Variants in CNNM2 observed in about 807,000 individuals in gnomAD.
CNNM2 encodes metal transporter CNNM2.
CNNM2 carries 12 observed loss-of-function variants against 66.9 expected under a neutral mutation model. The observed-to-expected ratio is 0.18, with a 90% CI of 0.11 to 0.29. The LOEUF (loss-of-function observed/expected upper bound fraction) is 0.29, where lower values mean the gene tolerates loss of function less well. Among genes scored for constraint, CNNM2 ranks in the 10% least tolerant of loss-of-function variants. CNNM2 has a pLI of 1.00. For synonymous variants in CNNM2, 557 were observed against 501.8 expected, an observed-to-expected ratio of 1.11 and a Z score of -1.47; for missense variants, 705 against 1,167.7, an observed-to-expected ratio of 0.60 and a Z score of 5.77.
chr10:103,008,148 T>A (rs745480296), intron 1 of CNNM2, among the ~76,000 whole-genome samples: 10 of 152,154 alleles, frequency 6.6e-5, no homozygotes, highest in Non-Finnish European at 1.3e-4. Context: ...GAGGATTTTT[T>A]TTTTTTTAAA....
intron 1 of CNNM2, among the ~76,000 whole-genome samples, chr10:103,016,897 C>T (rs1486738006): frequency 6.6e-6 from 1 of 152,114 alleles, no homozygotes; most frequent in African/African-American, 2.4e-5. Flanking sequence ...CTTTTGTTTC[C>T]TCCATCCAAA....
At position 103,020,655 on chromosome 10, in the gene CNNM2, T is replaced by C. The variant is rs118011337; in HGVS notation, c.1622-29052T>C. Among the ~76,000 whole-genome samples the C allele has an allele frequency of 9.2e-4, 140 of 152,226 alleles. No individual in the cohort carries two copies. In the East Asian group the frequency reaches 0.023, roughly 25 times the overall value. ...AAAGTATAAATTTCATACTGTTTCTTAGGTAGTGAGTTGGATTTAAGACAG... is the reference window on the plus strand; with the variant it reads ...AAAGTATAAATTTCATACTGTTTCTCAGGTAGTGAGTTGGATTTAAGACAG... On this transcript the variant is annotated intron_variant, in intron 1 of 7. Transcript: ENST00000369878.
chr10:102,976,884 T>C (rs569538262), intron 1 of CNNM2, among the ~76,000 whole-genome samples: 2 of 152,258 alleles, frequency 1.3e-5, no homozygotes, highest in South Asian at 2.1e-4. Context: ...GTTTGTTGAA[T>C]GAATAAACAG....
At position 103,082,040 on chromosome 10, in the gene CNNM2, A is replaced by G. The variant is rs1159153337; in HGVS notation, c.*4860A>G. ...TTGAACTTCAAGCATCATGGAAACA[A>G]AGGTTCTAGCTGCAAGAGAGTAAAG... is the stretch of plus-strand genomic sequence containing the variant. On this transcript the variant is annotated 3_prime_UTR_variant, in exon 8 of 8. Transcript: ENST00000369878. 1 of 152,230 alleles carries G rather than the reference A, an allele frequency of 6.6e-6. No individual in the cohort carries two copies. Among genetic ancestry groups the G allele is most frequent in the Non-Finnish European group, 1.5e-5 (1 of 68,048 alleles). The allele number at this position is 152,230 out of a possible 1,614,324, so 9.4% of individuals were successfully genotyped here. A position where few individuals can be genotyped will look rare whatever the true frequency, so the allele number is the denominator to read the frequency against.
intron 1 of CNNM2, among the ~76,000 whole-genome samples, chr10:102,961,450 A>T (rs1334834181): frequency 1.3e-5 from 2 of 152,206 alleles, no homozygotes; most frequent in Non-Finnish European, 2.9e-5. Flanking sequence ...GGCAATGCTC[A>T]GGCTATTTCT....
At chr10:102,980,813 A>G (rs1047298864) in intron 1 of CNNM2, among the ~76,000 whole-genome samples, 1 of 152,202 alleles carries the variant, frequency 6.6e-6, no homozygotes, top group Non-Finnish European at 1.5e-5. Flanking sequence ...ATATGATACA[A>G]TCAACATATT....
At chr10:102,955,606 A>G (rs1374853550) in intron 1 of CNNM2, among the ~76,000 whole-genome samples, 2 of 152,330 alleles carry the variant, frequency 1.3e-5, no homozygotes, top group South Asian at 2.1e-4. Flanking sequence ...AATGGGAGAA[A>G]ATTTTTGCAA....
chr10:102,946,322 T>A (rs531806979), intron 1 of CNNM2, among the ~76,000 whole-genome samples: 1 of 152,334 alleles, frequency 6.6e-6, no homozygotes, highest in African/African-American at 2.4e-5. Context: ...GGGAGAATTG[T>A]GAGCAGTTGA....
At chr10:103,003,014 A>G (rs1394679041) in intron 1 of CNNM2, among the ~76,000 whole-genome samples, 1 of 152,132 alleles carries the variant, frequency 6.6e-6, no homozygotes, top group Non-Finnish European at 1.5e-5. Flanking sequence ...AATGTTCATC[A>G]TTTGGTAAAT....
rs1338234888 is a variant in CNNM2 at position 103,083,543 on chromosome 10, ATCT to A, written c.*6368_*6370del. ...TCTCAGCATGACAACATAGAAGAGC[ATCT>A]TCTTTGGACAGTGTAAAGTCTTAAG... On this transcript the variant is annotated 3_prime_UTR_variant, in exon 8 of 8. Coordinates refer to ENST00000369878, the MANE Select transcript of CNNM2 (RefSeq NM_017649.5). 6.6e-6 allele frequency: 1 copy of A among 152,244 alleles called. No individual in the cohort carries two copies. Among genetic ancestry groups the A allele is most frequent in the Non-Finnish European group, 1.5e-5 (1 of 68,056 alleles). The allele number at this position is 152,244 out of a possible 1,614,324, so 9.4% of individuals were successfully genotyped here.
In CNNM2 at chr10:103,084,013, C is replaced by T. The variant is rs1251173061; in HGVS notation, c.*6833C>T. 3 of 152,172 alleles carry T rather than the reference C, an allele frequency of 2.0e-5. No homozygotes were observed. Among genetic ancestry groups the T allele is most frequent in the Admixed American group, 1.3e-4 (2 of 15,280 alleles). 9.4% of individuals were successfully genotyped at this position (152,172 alleles called of 1,614,324 possible). A position where few individuals can be genotyped will look rare whatever the true frequency, so the allele number is the denominator to read the frequency against. On this transcript the variant is annotated 3_prime_UTR_variant, in exon 8 of 8. Coordinates refer to ENST00000369878, the MANE Select transcript of CNNM2 (RefSeq NM_017649.5). ...CCCAGTAATCGGTGTGTATGATACA[C>T]GTTCTTTTCCATCACTACTTTGTCT...
chr10:103,052,818 G>C (rs534523373), intron 2 of CNNM2, among the ~76,000 whole-genome samples: 1 of 152,270 alleles, frequency 6.6e-6, no homozygotes, highest in African/African-American at 2.4e-5. Context: ...CCGATTTCAG[G>C]TATATTCTTG....
intron 1 of CNNM2, among the ~76,000 whole-genome samples, chr10:103,029,300 T>TAA (rs756251100): frequency 6.5e-5 from 8 of 122,300 alleles, no homozygotes; most frequent in Admixed American, 8.3e-5. Flanking sequence ...CATCTCTACT[T>TAA]AAAAAAAAAA....
chr10:102,976,311 A>G (rs1488275507), intron 1 of CNNM2, among the ~76,000 whole-genome samples: 1 of 152,034 alleles, frequency 6.6e-6, no homozygotes, highest in East Asian at 1.9e-4. Context: ...AGCCCTAGGC[A>G]GATTCTGAAT....
chr10:103,003,745 C>T (rs2064169348), intron 1 of CNNM2, among the ~76,000 whole-genome samples: 1 of 151,844 alleles, frequency 6.6e-6, no homozygotes, highest in Admixed American at 6.6e-5. Context: ...TGCACTCCAG[C>T]CTGGGCACCA....
intron 1 of CNNM2, among the ~76,000 whole-genome samples, chr10:102,995,915 G>A (rs796674695): frequency 1.5e-4 from 23 of 152,112 alleles, no homozygotes; most frequent in African/African-American, 4.6e-4. Flanking sequence ...GGTTAAGCTG[G>A]TCTCAAACTC....
intron 6 of CNNM2, among the ~76,000 whole-genome samples, chr10:103,074,523 T>G (rs2045710674): frequency 4.6e-5 from 7 of 151,052 alleles, no homozygotes; most frequent in Admixed American, 4.0e-4. Flanking sequence ...GGAGGGAGAG[T>G]TAAGATACAA....
rs78602818 is a variant in CNNM2, at chr10:102,948,273, G to A, written c.1621+28172G>A. ...ACGAATAAACTCATCTGCATGTGCT[G>A]TGGGGGAGAAGTACTTAGTGCCCTG... On this transcript the variant is annotated intron_variant, in intron 1 of 7. Transcript: ENST00000369878. Among the ~76,000 whole-genome samples the A allele has an allele frequency of 9.7e-3, 1,473 of 152,280 alleles. 58 individuals carry two copies. Among genetic ancestry groups the A allele is most frequent in the East Asian group, 0.066 (343 of 5,184 alleles).
chr10:103,036,128 GACAC>G (rs140473396), intron 1 of CNNM2, among the ~76,000 whole-genome samples: 4 of 150,060 alleles, frequency 2.7e-5, no homozygotes, highest in African/African-American at 9.8e-5. Flanking sequence ...AAACCAATAG[GACAC>G]ACACACACAC....
Sources: allele counts gnomAD v4.1 joint callset (sites outside exome capture counted in the v4.1 genomes callset), GRCh38; gene constraint gnomAD v4.1.1; transcripts MANE v1.5; gene names NCBI Gene and HGNC (gene_info 2026-07-23, HGNC 2026-07-21).